SGCZ: variants seen among roughly 807,000 people sequenced by gnomAD.
SGCZ encodes sarcoglycan zeta.
SGCZ carries 40 observed loss-of-function variants against 41.3 expected under a neutral mutation model. The ratio of observed to expected loss-of-function variants is 0.97; its 90% CI spans 0.75 to 1.26. The LOEUF (loss-of-function observed/expected upper bound fraction) is 1.26. Ranked by LOEUF, SGCZ falls within the 50% of genes most tolerant of loss-of-function variation. SGCZ has a pLI of 0.00. For synonymous variants in SGCZ, 206 were observed against 137.5 expected, an observed-to-expected ratio of 1.50 and a Z score of -3.49; for missense variants, 552 against 369.8, an observed-to-expected ratio of 1.49 and a Z score of -4.04.
intron 1 of SGCZ, among the ~76,000 whole-genome samples, chr8:15,059,354 G>A (rs527691105): frequency 2.2e-4 from 34 of 152,196 alleles, no homozygotes; most frequent in Admixed American, 3.3e-4. Context: ...ACTCAAGTTG[G>A]CACTTGTTAA....
chr8:15,144,600 T>C (rs889248440), intron 1 of SGCZ, among the ~76,000 whole-genome samples: 1 of 152,040 alleles, frequency 6.6e-6, no homozygotes, highest in African/African-American at 2.4e-5. Context: ...TAGCTTGGAA[T>C]ACAGGCACAT....
intron 5 of SGCZ, among the ~76,000 whole-genome samples, chr8:14,131,185 C>A (rs1803029782): frequency 6.6e-6 from 1 of 152,052 alleles, no homozygotes; most frequent in Non-Finnish European, 1.5e-5. Context: ...TAGTATTAAC[C>A]CAGACAAAAG....
intron 2 of SGCZ, among the ~76,000 whole-genome samples, chr8:14,494,861 G>A (rs1215135992): frequency 1.3e-5 from 2 of 152,190 alleles, no homozygotes; most frequent in African/African-American, 4.8e-5. Context: ...AGACTTCAGA[G>A]CATTAATATT....
At chr8:15,187,920 G>T (rs1585654055) in intron 1 of SGCZ, among the ~76,000 whole-genome samples, 1 of 151,946 alleles carries the variant, frequency 6.6e-6, no homozygotes, top group Admixed American at 6.6e-5. Context: ...TTAAGGAATA[G>T]GAGAAAACTT....
intron 2 of SGCZ, among the ~76,000 whole-genome samples, chr8:14,406,405 T>C (rs1799212684): frequency 6.6e-6 from 1 of 152,178 alleles, no homozygotes; most frequent in Non-Finnish European, 1.5e-5. Flanking sequence ...TAAATTATTT[T>C]CTGCTTCTAG....
intron 1 of SGCZ, among the ~76,000 whole-genome samples, chr8:14,884,469 C>T (rs1339447023): frequency 6.6e-6 from 1 of 152,004 alleles, no homozygotes; most frequent in South Asian, 2.1e-4. Flanking sequence ...AGACATTGCC[C>T]TTCTTGGTGG....
At chr8:14,441,802 T>G (rs997169452) in intron 2 of SGCZ, among the ~76,000 whole-genome samples, 2 of 152,282 alleles carry the variant, frequency 1.3e-5, no homozygotes, top group South Asian at 2.1e-4. Context: ...CTTTAACTTT[T>G]TTGTCAGTTT....
At chr8:15,006,793 G>A (rs1585464667) in intron 1 of SGCZ, among the ~76,000 whole-genome samples, 1 of 152,100 alleles carries the variant, frequency 6.6e-6, no homozygotes, top group South Asian at 2.1e-4. Context: ...TGTCTCCCAT[G>A]TTTGAACCTG....
chr8:14,135,502 T>C (rs1803168661), intron 5 of SGCZ, among the ~76,000 whole-genome samples: 1 of 152,108 alleles, frequency 6.6e-6, no homozygotes, highest in South Asian at 2.1e-4. Flanking sequence ...TCTTGAGTAG[T>C]CATGGGCATA....
chr8:14,258,650 A>C (rs532643133), intron 3 of SGCZ, among the ~76,000 whole-genome samples: 9 of 152,338 alleles, frequency 5.9e-5, no homozygotes, highest in Admixed American at 2.0e-4. Context: ...TATTCAGAAG[A>C]GCACAAAATA....
chr8:14,322,757 C>T (rs1801969214), intron 3 of SGCZ, among the ~76,000 whole-genome samples: 1 of 152,058 alleles, frequency 6.6e-6, no homozygotes, highest in African/African-American at 2.4e-5. Context: ...TTAGCAGTTT[C>T]TTGATTTCCA....
chr8:14,188,816 GTTTC>G (rs1362115079), intron 4 of SGCZ, among the ~76,000 whole-genome samples: 4 of 20,678 alleles, frequency 1.9e-4, no homozygotes, highest in South Asian at 1.8e-3. Context: ...TTGTTTGTTT[GTTTC>G]TTTGTTTTTT....
At chr8:14,716,481 C>T (rs546553285) in intron 1 of SGCZ, among the ~76,000 whole-genome samples, 1 of 152,024 alleles carries the variant, frequency 6.6e-6, no homozygotes, top group South Asian at 2.1e-4. Flanking sequence ...GGGGGACCTG[C>T]AAAACCGAGT....
rs917365843 is a variant in SGCZ, at chr8:14,808,202, A to T, written c.40-253276T>A. ...ACTTCATGTCTAAAACACCAAAAGC[A>T]ATGGCAACAAAAGACAAAATTGACA... On this transcript the variant is annotated intron_variant, in intron 1 of 7. Transcript: ENST00000382080. Among the ~76,000 whole-genome samples, 161 of 152,346 alleles carry T rather than the reference A, an allele frequency of 1.1e-3. 1 individual carries two copies. Among genetic ancestry groups the T allele is most frequent in the African/African-American group, 3.7e-3 (154 of 41,586 alleles).
chr8:15,044,097 T>C (rs575093544), intron 1 of SGCZ, among the ~76,000 whole-genome samples: 11 of 152,326 alleles, frequency 7.2e-5, no homozygotes, highest in African/African-American at 2.6e-4. Flanking sequence ...TAGATGTTGA[T>C]TTATTTACAA....
intron 2 of SGCZ, among the ~76,000 whole-genome samples, chr8:14,362,144 G>C (rs997899358): frequency 6.6e-6 from 1 of 152,158 alleles, no homozygotes; most frequent in African/African-American, 2.4e-5. Context: ...CGTGGGTCTG[G>C]GACCCCCTTG....
chr8:14,480,136 T>C (rs1258187266), intron 2 of SGCZ, among the ~76,000 whole-genome samples: 2 of 152,236 alleles, frequency 1.3e-5, no homozygotes, highest in Non-Finnish European at 2.9e-5. Flanking sequence ...TTCAGGCTTA[T>C]ATTCTTCTAC....
intron 4 of SGCZ, among the ~76,000 whole-genome samples, chr8:14,204,929 A>G (rs13281547): frequency 0.24 from 36,266 of 151,902 alleles, 5,563 homozygotes; most frequent in Non-Finnish European, 0.34. Context: ...CTGGAATTCC[A>G]GGTCTCCAGC....
At chr8:14,795,073 G>A (rs1418796421) in intron 1 of SGCZ, among the ~76,000 whole-genome samples, 2 of 152,106 alleles carry the variant, frequency 1.3e-5, no homozygotes, top group African/African-American at 4.8e-5. Context: ...CCAAGCAAGA[G>A]TTCCCTAGAT....
Sources: gnomAD v4.1 joint callset for allele counts (sites outside exome capture counted in the v4.1 genomes callset) on GRCh38, gnomAD v4.1.1 for gene constraint, MANE v1.5 for transcripts, NCBI Gene and HGNC (gene_info 2026-07-23, HGNC 2026-07-21) for gene names.